The following ZNF705G variants were observed in gnomAD, a reference collection of about 807,000 sequenced individuals.
ZNF705G encodes zinc finger protein 705G.
In ZNF705G, 23 loss-of-function variants were observed where a neutral mutation model predicts 19.6. The ratio of observed to expected loss-of-function variants is 1.17; its 90% CI spans 0.84 to 1.66. The LOEUF (loss-of-function observed/expected upper bound fraction) is 1.66, where lower values mean the gene tolerates loss of function less well. ZNF705G is among the 40% of genes most tolerant of loss of function. The pLI is 0.00. For missense variants in ZNF705G, 457 were observed against 354.4 expected (o/e 1.29, Z -2.32); for synonymous variants, 146 against 117.7 (o/e 1.24, Z -1.56).
chr8:7,367,474 C>T (rs1312305526), intron 2 of ZNF705G, among the ~76,000 whole-genome samples: 2 of 149,416 alleles, frequency 1.3e-5, no homozygotes, highest in African/African-American at 2.6e-5. Context: ...GGGCACGCTC[C>T]ACCGGAAAAG....
At chr8:7,365,192 A>G (rs1806800815) in intron 2 of ZNF705G, among the ~76,000 whole-genome samples, 2 of 149,544 alleles carry the variant, frequency 1.3e-5, no homozygotes, top group Admixed American at 1.3e-4. Context: ...AAACACATAC[A>G]TACACAAGCA....
At chr8:7,381,040 A>G (rs1464774015) in intron 2 of ZNF705G, among the ~76,000 whole-genome samples, 2 of 135,618 alleles carry the variant, frequency 1.5e-5, no homozygotes, top group Non-Finnish European at 3.0e-5. Flanking sequence ...AAAAAAAAAA[A>G]AAAAAAAAAA....
At position 7,361,358 on chromosome 8, in the gene ZNF705G, C is replaced by G. The variant is rs1370793944; in HGVS notation, c.13-122G>C. Reference sequence around the variant, plus strand: ...GAATACTCAGTGTTTTGGGTTCCAGCCAGTTCATTCTCAGTACTAAGCTGG... The same window carrying G: ...GAATACTCAGTGTTTTGGGTTCCAGGCAGTTCATTCTCAGTACTAAGCTGG... On this transcript the variant is annotated intron_variant, in intron 3 of 6. Coordinates refer to ENST00000400156, the MANE Select transcript of ZNF705G (RefSeq NM_001164457.3). 4 of 1,540,362 alleles carry G rather than the reference C, an allele frequency of 2.6e-6. 1 individual carries two copies. In the African/African-American group the frequency reaches 4.6e-5, roughly 18 times the overall value.
Position 7,371,395 on chromosome 8 carries a change from A to G in ZNF705G, c.-71-8378T>C, listed in dbSNP as rs534889428. Among the ~76,000 whole-genome samples, 410 of 142,028 alleles carry G rather than the reference A, an allele frequency of 2.9e-3. 4 individuals are homozygous for G. The highest frequency in any genetic ancestry group is 0.011 in the African/African-American group (388 of 36,074). 93.2% of individuals were successfully genotyped at this position (142,028 alleles called of 152,430 possible). ...AAGTTCTGGAGGTCTCGTTTACAGC[A>G]TAGTGCTTACAGCTAAGAATACTGT... On this transcript the variant is annotated intron_variant, in intron 2 of 6. Transcript: ENST00000400156.
chr8:7,370,174 G>A (rs867673440), intron 2 of ZNF705G, among the ~76,000 whole-genome samples: 4 of 148,018 alleles, frequency 2.7e-5, no homozygotes, highest in Admixed American at 6.6e-5. Context: ...GGGAGGCTGA[G>A]GCAGGAGAAT....
In ZNF705G at chr8:7,357,980, C is replaced by T. The variant is rs202010295; in HGVS notation, c.899G>A (p.Arg300Lys). The stretch of plus-strand genomic sequence containing the variant: ...TCCAGTGCGTGTTCTCTCATGTCAT[C>T]TAAGGTTGGAAGACAGACTGAAGGC... The part of the protein sequence containing the change: ...GKAFSLSSNL[R>K] Residue 300 changes from arginine to lysine, a missense_variant, in exon 7 of 7, where the codon AGA becomes AAA. Coordinates refer to ENST00000400156, the MANE Select transcript of ZNF705G (RefSeq NM_001164457.3). 4,943 of 1,608,602 alleles carry T rather than the reference C, an allele frequency of 3.1e-3. 49 individuals are homozygous for T. The highest frequency in any genetic ancestry group is 3.9e-3 in the South Asian group (352 of 90,762).
chr8:7,376,885 G>GTA (rs1264881292), intron 2 of ZNF705G, among the ~76,000 whole-genome samples: 1 of 149,060 alleles, frequency 6.7e-6, no homozygotes, highest in African/African-American at 2.6e-5. Flanking sequence ...GAGAGAGTGT[G>GTA]TGTGTGTGTG....
chr8:7,361,812 A>G (rs1281051499), intron 3 of ZNF705G, among the ~76,000 whole-genome samples: 1 of 149,716 alleles, frequency 6.7e-6, no homozygotes, highest in African/African-American at 2.6e-5. Context: ...TTAAAAAGTT[A>G]GAAAGTAATG....
intron 2 of ZNF705G, among the ~76,000 whole-genome samples, chr8:7,369,477 C>T (rs1455484146): frequency 6.7e-6 from 1 of 149,530 alleles, no homozygotes; most frequent in African/African-American, 2.6e-5. Context: ...CCACTGTCAG[C>T]TTGCACCCTG....
Position 7,379,203 on chromosome 8 carries a change from T to A in ZNF705G, c.-72+2249A>T, listed in dbSNP as rs866664186. On this transcript the variant is annotated intron_variant, in intron 2 of 6. Coordinates refer to ENST00000400156, the MANE Select transcript of ZNF705G (RefSeq NM_001164457.3). ...TGTTAAGTTATGTCACATGGACTACTCGAAATCTCAAAAAGTTCAAAACAT... is the reference window on the plus strand; with the variant it reads ...TGTTAAGTTATGTCACATGGACTACACGAAATCTCAAAAAGTTCAAAACAT... Among the ~76,000 whole-genome samples the A allele has an allele frequency of 4.7e-5, 7 of 148,036 alleles. No individual in the cohort carries two copies. The South Asian group carries it at 1.5e-3, about 31-fold the overall frequency.
rs560005586 is a variant in ZNF705G, at chr8:7,380,888, A to C, written c.-72+564T>G. ...CAAAATTAGCTGGGCATGGAGGCGC[A>C]TGCCTGTAATCCCAGCTACTCTGGA... On this transcript the variant is annotated intron_variant, in intron 2 of 6. Coordinates refer to ENST00000400156, the MANE Select transcript of ZNF705G (RefSeq NM_001164457.3). 7.1e-5 allele frequency among the ~76,000 whole-genome samples: 10 copies of C among 141,388 alleles called. No homozygotes were observed. In the East Asian group the frequency reaches 1.8e-3, roughly 25 times the overall value. 92.8% of individuals were successfully genotyped at this position (141,388 alleles called of 152,430 possible). A position where few individuals can be genotyped will look rare whatever the true frequency, so the allele number is the denominator to read the frequency against.
chr8:7,360,461 C>G lies in ZNF705G; in HGVS notation c.140-129G>C, dbSNP rs1331200767. The stretch of plus-strand genomic sequence containing the variant: ...TCAGCTCAGGCCACAAGACCTAGAA[C>G]ACAGAAAACTCCCCAGGATTTTTCT... On this transcript the variant is annotated intron_variant, in intron 4 of 6. Coordinates refer to ENST00000400156, the MANE Select transcript of ZNF705G (RefSeq NM_001164457.3). 5.0e-6 allele frequency: 7 copies of G among 1,408,084 alleles called. 1 individual carries two copies. In the African/African-American group the frequency reaches 5.2e-5, roughly 10 times the overall value. The allele number at this position is 1,408,084 out of a possible 1,614,324, so 87.2% of individuals were successfully genotyped here.
At chr8:7,365,849 C>T (rs1344080076) in intron 2 of ZNF705G, among the ~76,000 whole-genome samples, 20 of 149,584 alleles carry the variant, frequency 1.3e-4, no homozygotes, top group Admixed American at 1.2e-3. Context: ...AGTTCCTGGA[C>T]AACAAAACCA....
chr8:7,363,510 G>A (rs1806701275), intron 2 of ZNF705G, among the ~76,000 whole-genome samples: 2 of 149,776 alleles, frequency 1.3e-5, no homozygotes, highest in South Asian at 2.1e-4. Flanking sequence ...CTTGGAACTT[G>A]GAAATAATCA....
At chr8:7,366,237 C>T (rs1163442219) in intron 2 of ZNF705G, among the ~76,000 whole-genome samples, 1 of 148,538 alleles carries the variant, frequency 6.7e-6, no homozygotes, top group African/African-American at 2.6e-5. Flanking sequence ...GATTGCAAGC[C>T]TCTCATGGCT....
intron 2 of ZNF705G, among the ~76,000 whole-genome samples, chr8:7,369,725 T>A (rs1178840575): frequency 1.3e-5 from 2 of 149,336 alleles, no homozygotes; most frequent in Non-Finnish European, 2.9e-5. Flanking sequence ...CCATAAAAAA[T>A]TTATGTCCTT....
chr8:7,382,499 C>G (rs528275116), intron 1 of ZNF705G, among the ~76,000 whole-genome samples: 1 of 146,648 alleles, frequency 6.8e-6, no homozygotes, highest in South Asian at 2.1e-4. Flanking sequence ...GTCTCTGCAT[C>G]TATCAACTTT....
Position 7,358,153 on chromosome 8 carries a change from G to T in ZNF705G, c.726C>A (p.Asn242Lys), listed in dbSNP as rs1306828569. 1 of 1,607,500 alleles carries T rather than the reference G, an allele frequency of 6.2e-7. No homozygotes were observed. Among genetic ancestry groups the T allele is most frequent in the East Asian group, 2.2e-5 (1 of 44,860 alleles). ...GGTGAGTTCTCTCATGTCTTTGAAG[G>T]TTAAAGGATTGAATAAAGACTTTCC... is the stretch of plus-strand genomic sequence containing the variant. ...QYGKVFIQSF[N>K]LQRHERTHLG... is the part of the protein sequence containing the mutation. The change falls in exon 7 of 7, where the codon AAC (asparagine) becomes AAA (lysine). Residue 242 changes from asparagine to lysine, a missense_variant. Asn to Lys is a moderately conservative substitution (Grantham distance 94). Coordinates refer to ENST00000400156, the MANE Select transcript of ZNF705G (RefSeq NM_001164457.3).
chr8:7,383,620 AC>A (rs1563304901), intron 1 of ZNF705G, among the ~76,000 whole-genome samples: 2 of 147,340 alleles, frequency 1.4e-5, no homozygotes, highest in Admixed American at 6.6e-5. Flanking sequence ...TGAAATGCCA[AC>A]CCCCAAAGTG....
Sources: gnomAD v4.1 joint callset for allele counts (sites outside exome capture counted in the v4.1 genomes callset) on GRCh38, gnomAD v4.1.1 for gene constraint, MANE v1.5 for transcripts, NCBI Gene and HGNC (gene_info 2026-07-23, HGNC 2026-07-21) for gene names.